TBXAS1: variants seen among roughly 807,000 people sequenced by gnomAD.
TBXAS1 encodes the protein thromboxane A synthase 1.
In TBXAS1, 48 loss-of-function variants were observed where a neutral mutation model predicts 60.7. The ratio of observed to expected loss-of-function variants is 0.79; its 90% CI spans 0.63 to 1.01. TBXAS1 has a LOEUF of 1.01. Ranked by LOEUF, TBXAS1 falls within the 50% of genes least tolerant of loss-of-function variation. TBXAS1 has a pLI of 0.00. For missense variants in TBXAS1, 685 were observed against 686.3 expected (o/e 1.00, Z 0.02); for synonymous variants, 287 against 269.7 (o/e 1.06, Z -0.63).
rs72102720 is a variant in TBXAS1, at chr7:139,986,755, ATGTGTGTG to A, written c.1135-20298_1135-20291del. ...TATATATATACATACATATATATAT[ATGTGTGTG>A]TGTGTGTGTGTGTGTGTGTGTGTGT... On this transcript the variant is annotated intron_variant, in intron 9 of 12. Transcript: ENST00000448866. Among the ~76,000 whole-genome samples, 21 of 79,746 alleles carry A rather than the reference ATGTGTGTG, an allele frequency of 2.6e-4. 1 individual carries two copies. Among genetic ancestry groups the A allele is most frequent in the South Asian group, 9.1e-4 (2 of 2,204 alleles). The allele number at this position is 79,746 out of a possible 152,430, so 52.3% of individuals were successfully genotyped here.
chr7:139,901,652 G>A (rs895056671), intron 3 of TBXAS1, among the ~76,000 whole-genome samples: 8 of 152,004 alleles, frequency 5.3e-5, no homozygotes, highest in Non-Finnish European at 8.8e-5. Flanking sequence ...TAAAATAGGA[G>A]GTGCTTGGGT....
chr7:139,913,041 C>T (rs1805661885), intron 4 of TBXAS1: 1 of 689,646 alleles, frequency 1.5e-6, no homozygotes, highest in South Asian at 1.5e-5. Flanking sequence ...GCCACTCACC[C>T]AAAATTTGCT....
intron 8 of TBXAS1, 35 bp from the exon 9 acceptor site, chr7:139,961,884 G>C (rs1321939542): frequency 6.2e-7 from 1 of 1,613,494 alleles, no homozygotes; most frequent in Admixed American, 1.7e-5. Flanking sequence ...TGACTGTAAG[G>C]TCAAAATGTG....
At position 139,901,728 on chromosome 7, in the gene TBXAS1, C is replaced by T. The variant is rs574221629; in HGVS notation, c.237-9497C>T. On this transcript the variant is annotated intron_variant, in intron 3 of 12. Transcript: ENST00000448866. ...CAGGCATTATTATTTCTGAATGCTC[C>T]GCAGTTGGTTTTGACAAGCCCTCGA... 3.0e-4 allele frequency among the ~76,000 whole-genome samples: 46 copies of T among 152,022 alleles called. 2 individuals carry two copies. Among genetic ancestry groups the T allele is most frequent in the African/African-American group, 9.2e-4 (38 of 41,344 alleles).
chr7:139,955,590 C>G lies in TBXAS1; in HGVS notation c.671C>G (p.Pro224Arg). The G allele has an allele frequency of 1.9e-6, 3 of 1,614,216 alleles. No individual in the cohort carries two copies. Among genetic ancestry groups the G allele is most frequent in the Non-Finnish European group, 2.5e-6 (3 of 1,180,040 alleles). ...KRFFEFCIPR[P>R]ILVLLLSFPS... ...TTCTTCGAATTCTGCATCCCCAGAC[C>G]TATCCTGGTTTTACTCTGTAAGTGC... Residue 224 changes from proline (P) to arginine (R), a missense_variant, in exon 7 of 13, where the codon CCT becomes CGT. Transcript: ENST00000448866.
intron 1 of TBXAS1, among the ~76,000 whole-genome samples, chr7:139,858,956 C>A (rs1020394312): frequency 1.3e-5 from 2 of 152,126 alleles, no homozygotes; most frequent in Admixed American, 1.3e-4. Flanking sequence ...ACAACCTCCC[C>A]CTCCTGGGTT....
chr7:139,994,605 G>T (rs1240091605), intron 9 of TBXAS1, among the ~76,000 whole-genome samples: 2 of 151,362 alleles, frequency 1.3e-5, no homozygotes, highest in African/African-American at 4.9e-5. Flanking sequence ...TTCAGGATGA[G>T]CTGGAAAAAA....
At chr7:139,800,627 A>C (rs1224516491) in intron 4 of TBXAS1, among the ~76,000 whole-genome samples, 1 of 152,032 alleles carries the variant, frequency 6.6e-6, no homozygotes, top group Non-Finnish European at 1.5e-5. Context: ...AAGACCCCGG[A>C]GTGTTTGTCT....
intron 1 of TBXAS1, among the ~76,000 whole-genome samples, chr7:139,849,291 A>G (rs1057100533): frequency 1.3e-5 from 2 of 152,020 alleles, no homozygotes; most frequent in African/African-American, 4.8e-5. Flanking sequence ...GGGTGAGAGG[A>G]TCAGTTGAGC....
chr7:139,887,108 G>T (rs954788759), intron 3 of TBXAS1, among the ~76,000 whole-genome samples: 2 of 152,188 alleles, frequency 1.3e-5, no homozygotes, highest in African/African-American at 4.8e-5. Flanking sequence ...TTTCATATGA[G>T]TAGGTGGGAT....
chr7:139,787,604 G>A (rs540022722), intron 4 of TBXAS1, among the ~76,000 whole-genome samples: 3 of 152,192 alleles, frequency 2.0e-5, no homozygotes, highest in Admixed American at 2.0e-4. Flanking sequence ...TTGAGGGTTG[G>A]GTAAAGCCAG....
At chr7:139,834,732 A>T (rs766948675) in intron 1 of TBXAS1, among the ~76,000 whole-genome samples, 1 of 152,298 alleles carries the variant, frequency 6.6e-6, no homozygotes, top group East Asian at 1.9e-4. Flanking sequence ...GAGATGGATA[A>T]ATTCCTGGAA....
chr7:139,935,874 C>A (rs1264946287), intron 4 of TBXAS1, among the ~76,000 whole-genome samples: 1 of 152,148 alleles, frequency 6.6e-6, no homozygotes, highest in Non-Finnish European at 1.5e-5. Flanking sequence ...TGTTTGTCTT[C>A]AGGGAACCCC....
chr7:139,927,160 A>ATTTT (rs58381325), intron 4 of TBXAS1, among the ~76,000 whole-genome samples: 4 of 129,658 alleles, frequency 3.1e-5, no homozygotes, highest in African/African-American at 8.3e-5. Context: ...ACGCCCGGCT[A>ATTTT]TTTTTTTTTT....
chr7:139,879,081 C>G (rs1802481240), intron 3 of TBXAS1, among the ~76,000 whole-genome samples: 1 of 152,160 alleles, frequency 6.6e-6, no homozygotes, highest in Admixed American at 6.5e-5. Context: ...GAAATTGACT[C>G]CTTACTCAAT....
At chr7:139,861,189 A>AC in intron 1 of TBXAS1, among the ~76,000 whole-genome samples, 1 of 152,098 alleles carries the variant, frequency 6.6e-6, no homozygotes, top group East Asian at 1.9e-4. Flanking sequence ...AAAAAAAAAA[A>AC]AATTCTTCAC....
At chr7:139,809,401 T>C (rs1051858379) in intron 4 of TBXAS1, among the ~76,000 whole-genome samples, 38 of 151,974 alleles carry the variant, frequency 2.5e-4, no homozygotes, top group African/African-American at 8.9e-4. Flanking sequence ...GATACATAGG[T>C]AAATAGATGA....
At position 139,916,852 on chromosome 7, in the gene TBXAS1, C is replaced by A. The variant is rs770011205; in HGVS notation, c.333+5531C>A. Among the ~76,000 whole-genome samples the A allele has an allele frequency of 6.6e-6, 1 of 152,226 alleles. No homozygotes were observed. The highest frequency in any genetic ancestry group is 1.5e-5 in the Non-Finnish European group (1 of 68,040). ...GCCACAGGGACCCGCCTGCTGGCAT[C>A]CATTGAGGAGAGAGGGGCCCTTGGC... On this transcript the variant is annotated intron_variant, in intron 4 of 12. Transcript: ENST00000448866. This position sits in a 1 kb window ranked among gnomAD's most constrained non-coding sequence, Gnocchi z 4.2.
chr7:139,952,772 C>T (rs867370267), intron 5 of TBXAS1: 4 of 1,350,328 alleles, frequency 3.0e-6, no homozygotes, highest in African/African-American at 3.0e-5. Flanking sequence ...GCATAGGAGG[C>T]ATCTTGAAGT....
Sources: allele counts gnomAD v4.1 joint callset (sites outside exome capture counted in the v4.1 genomes callset), GRCh38; gene constraint gnomAD v4.1.1; non-coding constraint Gnocchi (gnomAD v3.1); transcripts MANE v1.5; gene names NCBI Gene and HGNC (gene_info 2026-07-23, HGNC 2026-07-21).